Variants in RBM33 observed in about 807,000 individuals in gnomAD.
RBM33 encodes RNA binding motif protein 33.
A neutral mutation model predicts 132.6 loss-of-function variants in RBM33; 28 were observed. That is an observed-to-expected ratio of 0.21 (90% CI 0.16 to 0.29). The LOEUF is 0.29. Among genes scored for constraint, RBM33 ranks in the 10% least tolerant of loss-of-function variants. RBM33 has a pLI of 1.00. For synonymous variants in RBM33, 634 were observed against 593.0 expected, an observed-to-expected ratio of 1.07 and a Z score of -1.01; for missense variants, 1,291 against 1,518.5, an observed-to-expected ratio of 0.85 and a Z score of 2.49.
intron 1 of RBM33, among the ~76,000 whole-genome samples, chr7:155,658,240 A>G (rs62482798): frequency 0.64 from 97,812 of 152,004 alleles, 32,367 homozygotes; most frequent in South Asian, 0.76. Flanking sequence ...TTGGATTTAA[A>G]AATATTTTAT....
chr7:155,763,064 C>T (rs115649657), intron 14 of RBM33, among the ~76,000 whole-genome samples: 305 of 152,294 alleles, frequency 2.0e-3, no homozygotes, highest in African/African-American at 7.1e-3. Context: ...CCAAGGTGTA[C>T]GTGCCTCCTG....
At chr7:155,741,720 T>C (rs1442150477) in intron 12 of RBM33, 99 bp from the exon 13 acceptor site, 7 of 1,142,092 alleles carry the variant, frequency 6.1e-6, no homozygotes, top group Non-Finnish European at 8.8e-6. Context: ...ATTTACTAAT[T>C]AGAATGATTT....
In RBM33 at chr7:155,725,906, T is replaced by C. The variant is rs529359228; in HGVS notation, c.1260+7463T>C. Among the ~76,000 whole-genome samples, 256 of 152,184 alleles carry C rather than the reference T, an allele frequency of 1.7e-3. 5 individuals carry two copies. The highest frequency in any genetic ancestry group is 5.8e-3 in the African/African-American group (240 of 41,534). ...TGCATCTATAAATATCAAAGTACCC[T>C]CTAGGAAGGTGAATATAGGTATTTA... On this transcript the variant is annotated intron_variant, in intron 9 of 17. Coordinates refer to ENST00000401878, the MANE Select transcript of RBM33 (RefSeq NM_053043.3).
At position 155,774,705 on chromosome 7, in the gene RBM33, C is replaced by T; in HGVS notation, c.3464+58C>T. The T allele has an allele frequency of 7.6e-7, 1 of 1,320,070 alleles. No individual in the cohort carries two copies. Among genetic ancestry groups the T allele is most frequent in the Non-Finnish European group, 1.1e-6 (1 of 911,912 alleles). 81.8% of individuals were successfully genotyped at this position (1,320,070 alleles called of 1,614,324 possible). The stretch of plus-strand genomic sequence containing the variant: ...GGGGGCGGGAGCAAGGCCCTCCTTC[C>T]TGTGCCCTCCCATCCATCATGGTAG... On this transcript the variant is annotated intron_variant, in intron 17 of 17. Coordinates refer to ENST00000401878, the MANE Select transcript of RBM33 (RefSeq NM_053043.3). The surrounding 1 kb of genome is among the most constrained non-coding windows in gnomAD (Gnocchi z 4.2).
chr7:155,772,688 T>G (rs1802470533), intron 16 of RBM33, among the ~76,000 whole-genome samples: 1 of 152,222 alleles, frequency 6.6e-6, no homozygotes, highest in African/African-American at 2.4e-5. Context: ...TTACTGAACT[T>G]GTTTCAGAAA....
At chr7:155,737,778 A>T in intron 10 of RBM33, 116 bp downstream of exon 10, 1 of 1,206,630 alleles carries the variant, frequency 8.3e-7, no homozygotes. Flanking sequence ...TAGGAATGCC[A>T]GGTTTTTGTA....
intron 9 of RBM33, among the ~76,000 whole-genome samples, chr7:155,735,736 T>C (rs1472509163): frequency 3.5e-5 from 3 of 86,766 alleles, no homozygotes; most frequent in South Asian, 3.2e-4. Flanking sequence ...TCTCTCTCTC[T>C]CTCTCCCTCT....
At chr7:155,671,980 C>G (rs952912933) in intron 2 of RBM33, among the ~76,000 whole-genome samples, 5 of 152,092 alleles carry the variant, frequency 3.3e-5, no homozygotes, top group Non-Finnish European at 7.4e-5. Context: ...GGCTTCTAAT[C>G]ATTTAAAACA....
chr7:155,723,922 T>TAAGTAA (rs1484525124), intron 9 of RBM33, among the ~76,000 whole-genome samples: 1 of 152,216 alleles, frequency 6.6e-6, no homozygotes, highest in Non-Finnish European at 1.5e-5. Flanking sequence ...GTTTATTGGC[T>TAAGTAA]AAGTAAATCT....
intron 14 of RBM33, among the ~76,000 whole-genome samples, chr7:155,750,498 A>C (rs184780013): frequency 6.6e-6 from 1 of 152,312 alleles, no homozygotes; most frequent in Non-Finnish European, 1.5e-5. Flanking sequence ...GGAGAATGGT[A>C]TAGTCTTTGA....
At chr7:155,727,692 G>A (rs1405187586) in intron 9 of RBM33, among the ~76,000 whole-genome samples, 1 of 152,222 alleles carries the variant, frequency 6.6e-6, no homozygotes, top group Non-Finnish European at 1.5e-5. Flanking sequence ...TAGAGCAGTG[G>A]CAAGCCACAT....
chr7:155,700,690 A>G, intron 5 of RBM33, 83 bp from the exon 6 acceptor site: 1 of 1,046,164 alleles, frequency 9.6e-7, no homozygotes, highest in South Asian at 1.7e-5. Flanking sequence ...ATAAACAATT[A>G]AATATTTTAG....
intron 9 of RBM33, among the ~76,000 whole-genome samples, chr7:155,726,349 A>G (rs73167156): frequency 0.027 from 4,142 of 151,828 alleles, 69 homozygotes; most frequent in Middle Eastern, 0.037. Context: ...AATTTATGCA[A>G]AGTTTTTCAT....
intron 14 of RBM33, among the ~76,000 whole-genome samples, chr7:155,748,841 C>G (rs1219538160): frequency 6.6e-6 from 1 of 151,784 alleles, no homozygotes; most frequent in Non-Finnish European, 1.5e-5. Flanking sequence ...CAGCATGATT[C>G]CTGGTATTGT....
chr7:155,677,010 G>A (rs1229078414), intron 3 of RBM33, among the ~76,000 whole-genome samples: 1 of 152,052 alleles, frequency 6.6e-6, no homozygotes, highest in African/African-American at 2.4e-5. Flanking sequence ...ACAGCCTCTC[G>A]AATGAAATTT....
intron 14 of RBM33, among the ~76,000 whole-genome samples, chr7:155,747,592 T>A (rs1465408074): frequency 6.6e-6 from 1 of 152,206 alleles, no homozygotes; most frequent in African/African-American, 2.4e-5. Context: ...ATGGAAAAAA[T>A]TTATATCAGA....
chr7:155,645,741 T>C (rs947477479), intron 1 of RBM33, among the ~76,000 whole-genome samples: 1 of 152,230 alleles, frequency 6.6e-6, no homozygotes, highest in African/African-American at 2.4e-5. Flanking sequence ...GAAAAGATGG[T>C]AAAATATGGA....
At chr7:155,750,603 A>C (rs1248093562) in intron 14 of RBM33, among the ~76,000 whole-genome samples, 2 of 151,972 alleles carry the variant, frequency 1.3e-5, no homozygotes, top group Non-Finnish European at 2.9e-5. Flanking sequence ...ATGAGAACCA[A>C]CTCTCCTCCC....
chr7:155,777,517 A>C lies in RBM33; in HGVS notation c.*2476A>C, dbSNP rs903125714. On this transcript the variant is annotated 3_prime_UTR_variant, in exon 18 of 18. Coordinates refer to ENST00000401878, the MANE Select transcript of RBM33 (RefSeq NM_053043.3). ...AGAAGCAGAATGAGAAAGGAATGGT[A>C]CTTAGGTGTTTGGTATGCTGCTCAC... 3 of 152,286 alleles carry C rather than the reference A, an allele frequency of 2.0e-5. No individual in the cohort carries two copies. The highest frequency in any genetic ancestry group is 2.9e-5 in the Non-Finnish European group (2 of 68,044). The allele number at this position is 152,286 out of a possible 1,614,324, so 9.4% of individuals were successfully genotyped here.
Sources: gnomAD v4.1 joint callset for allele counts (sites outside exome capture counted in the v4.1 genomes callset) on GRCh38, gnomAD v4.1.1 for gene constraint, Gnocchi (gnomAD v3.1) non-coding constraint, MANE v1.5 for transcripts, NCBI Gene and HGNC (gene_info 2026-07-23, HGNC 2026-07-21) for gene names.